The following SNX29 variants were observed in gnomAD, a reference collection of about 807,000 sequenced individuals.
The protein encoded by SNX29 is sorting nexin 29.
A neutral mutation model predicts 102.1 loss-of-function variants in SNX29; 78 were observed. The ratio of observed to expected loss-of-function variants is 0.76; its 90% CI spans 0.64 to 0.92. The LOEUF (loss-of-function observed/expected upper bound fraction) is 0.92. Among genes scored for constraint, SNX29 ranks in the 40% least tolerant of loss-of-function variants. SNX29 has a pLI of 0.00. For missense variants in SNX29, 1,280 were observed against 1,061.7 expected (o/e 1.21, Z -2.86); for synonymous variants, 580 against 414.5 (o/e 1.40, Z -4.85).
At chr16:12,378,496 A>G (rs1437595088) in intron 16 of SNX29, among the ~76,000 whole-genome samples, 2 of 152,142 alleles carry the variant, frequency 1.3e-5, no homozygotes, top group Non-Finnish European at 2.9e-5. Context: ...TAAAAATACA[A>G]AAATTAGCCG....
chr16:12,008,942 A>C (rs555191692), intron 3 of SNX29, among the ~76,000 whole-genome samples: 1 of 151,708 alleles, frequency 6.6e-6, no homozygotes, highest in East Asian at 2.0e-4. Flanking sequence ...GGGTTTCACT[A>C]TGTTGGTCAG....
At chr16:12,335,543 G>A (rs1456272535) in intron 15 of SNX29, among the ~76,000 whole-genome samples, 2 of 152,140 alleles carry the variant, frequency 1.3e-5, no homozygotes, top group Non-Finnish European at 2.9e-5. Context: ...GGGCATGGTT[G>A]CATGTGCCTG....
In SNX29 at chr16:12,486,171, G is replaced by C. The variant is rs554192335; in HGVS notation, c.2178+8312G>C. On this transcript the variant is annotated intron_variant, in intron 19 of 20. Coordinates refer to ENST00000566228, the MANE Select transcript of SNX29 (RefSeq NM_032167.5). ...CTCGTGGCCCCTTCCTCTGTCTTCC[G>C]TGTTGCCTCTCTCCCACCATTCTTC... 7.3e-4 allele frequency among the ~76,000 whole-genome samples: 111 copies of C among 152,254 alleles called. 2 individuals carry two copies. Among genetic ancestry groups the C allele is most frequent in the Admixed American group, 9.2e-4 (14 of 15,298 alleles).
intron 20 of SNX29, among the ~76,000 whole-genome samples, chr16:12,537,428 A>G (rs2077125555): frequency 6.6e-6 from 1 of 152,358 alleles, no homozygotes; most frequent in South Asian, 2.1e-4. Flanking sequence ...CAGCTCAACT[A>G]CATAGCAGCC....
chr16:12,246,825 T>G (rs2078273127), intron 14 of SNX29, among the ~76,000 whole-genome samples: 1 of 152,098 alleles, frequency 6.6e-6, no homozygotes, highest in South Asian at 2.1e-4. Context: ...GTCTGGATGT[T>G]GGGGATGGAT....
chr16:12,287,381 T>C (rs1315980480), intron 15 of SNX29, among the ~76,000 whole-genome samples: 2 of 152,192 alleles, frequency 1.3e-5, no homozygotes, highest in Non-Finnish European at 2.9e-5. Flanking sequence ...TCTGTTTTTT[T>C]TAAATTTTTT....
rs543346990 is a variant in SNX29, at chr16:12,302,821, T to G, written c.1782+24785T>G. On this transcript the variant is annotated intron_variant, in intron 15 of 20. Transcript: ENST00000566228. ...GCCACACTGTTAGGGTGAATGCATTTTAAAAGACATCTCATCAGTGCACAT... is the reference window on the plus strand; with the variant it reads ...GCCACACTGTTAGGGTGAATGCATTGTAAAAGACATCTCATCAGTGCACAT... 5.5e-4 allele frequency among the ~76,000 whole-genome samples: 84 copies of G among 152,356 alleles called. 2 individuals carry two copies. The South Asian group carries it at 0.017, about 30-fold the overall frequency.
chr16:12,280,448 A>G (rs2079395714), intron 15 of SNX29, among the ~76,000 whole-genome samples: 1 of 152,162 alleles, frequency 6.6e-6, no homozygotes, highest in African/African-American at 2.4e-5. Context: ...GTGAGTGTGG[A>G]ACCACCAAAC....
chr16:12,060,975 G>A (rs1269756772), intron 8 of SNX29: 10 of 418,622 alleles, frequency 2.4e-5, no homozygotes, highest in South Asian at 1.7e-4. Context: ...GCGAGGCGGA[G>A]CAACGCTAGC....
chr16:12,538,348 CCAAAGTGCTGA>C (rs2077171405), intron 20 of SNX29, among the ~76,000 whole-genome samples: 1 of 152,190 alleles, frequency 6.6e-6, no homozygotes, highest in Non-Finnish European at 1.5e-5. Context: ...TCTCGGTCTT[CCAAAGTGCTGA>C]CATTACAGGC....
At chr16:12,405,629 G>A (rs75315942) in intron 18 of SNX29, among the ~76,000 whole-genome samples, 3,504 of 152,286 alleles carry the variant, frequency 0.023, 83 homozygotes, top group African/African-American at 0.058. Context: ...GTGTTTGGAA[G>A]CATTTTAGAA....
chr16:12,371,008 C>T (rs1567491099), intron 16 of SNX29, among the ~76,000 whole-genome samples: 1 of 152,228 alleles, frequency 6.6e-6, no homozygotes, highest in Non-Finnish European at 1.5e-5. Flanking sequence ...TGGGCCACAG[C>T]TTTCTTGCCC....
At chr16:12,205,840 T>A (rs982451837) in intron 14 of SNX29, among the ~76,000 whole-genome samples, 20 of 152,266 alleles carry the variant, frequency 1.3e-4, no homozygotes, top group Admixed American at 1.2e-3. Flanking sequence ...GGCATGTCTT[T>A]TCCCCTGCTG....
chr16:12,568,711 A>G lies in SNX29; in HGVS notation c.*82A>G. ...GCCACTGCCGCTGGCCCCTCACCTC[A>G]GCGTGACAACCACGTCCACCTGGTG... On this transcript the variant is annotated 3_prime_UTR_variant, in exon 21 of 21. Transcript: ENST00000566228. The G allele has an allele frequency of 1.3e-6, 2 of 1,547,410 alleles. No individual in the cohort carries two copies. Among genetic ancestry groups the G allele is most frequent in the Non-Finnish European group, 8.7e-7 (1 of 1,151,682 alleles).
rs147296405 is a variant in SNX29, at chr16:12,401,882, G to C, written c.1956-1566G>C. Among the ~76,000 whole-genome samples the C allele has an allele frequency of 9.7e-3, 1,478 of 152,280 alleles. 13 individuals are homozygous for C. Among genetic ancestry groups the C allele is most frequent in the Non-Finnish European group, 0.014 (943 of 68,012 alleles). ...TGGGTCACTTAAACAATCAATTTCT[G>C]ATACAGTGTGGTCAATGCACTGAAA... is the stretch of plus-strand genomic sequence containing the variant. On this transcript the variant is annotated intron_variant, in intron 17 of 20. Coordinates refer to ENST00000566228, the MANE Select transcript of SNX29 (RefSeq NM_032167.5).
intron 15 of SNX29, among the ~76,000 whole-genome samples, chr16:12,305,706 G>A (rs1477367860): frequency 2.6e-5 from 4 of 152,156 alleles, no homozygotes; most frequent in East Asian, 3.8e-4. Context: ...ATGCCTGGGT[G>A]TTGTGTATCC....
rs189711411 is a variant in SNX29 at position 12,540,497 on chromosome 16, C to T, written c.2318+15656C>T. Among the ~76,000 whole-genome samples, 719 of 152,324 alleles carry T rather than the reference C, an allele frequency of 4.7e-3. 4 individuals are homozygous for T. The highest frequency in any genetic ancestry group is 0.016 in the African/African-American group (663 of 41,580). On this transcript the variant is annotated intron_variant, in intron 20 of 20. Transcript: ENST00000566228. The stretch of plus-strand genomic sequence containing the variant: ...ACAGTCAAGGTGTCGGCAGGGCTGG[C>T]GCCTTCTCGAGGTTGTGGGGCAGAA...
intron 6 of SNX29, among the ~76,000 whole-genome samples, chr16:12,047,122 G>C (rs918193642): frequency 6.4e-4 from 98 of 152,326 alleles, no homozygotes; most frequent in African/African-American, 2.1e-3. Context: ...TTTCCTCTCT[G>C]TGAGGTGGGA....
rs1255684441 is a variant in SNX29, at chr16:12,569,118, T to C, written c.*489T>C. On this transcript the variant is annotated 3_prime_UTR_variant, in exon 21 of 21. Coordinates refer to ENST00000566228, the MANE Select transcript of SNX29 (RefSeq NM_032167.5). ...CTGGCCTAACCTAGGGATGGCTGGC[T>C]TTGCGGGGGGGGGGGGGGGGGGGGG... The C allele has an allele frequency of 2.8e-4, 6 of 21,406 alleles. 1 individual carries two copies. Among genetic ancestry groups the C allele is most frequent in the African/African-American group, 1.7e-3 (3 of 1,796 alleles). 1.3% of individuals were successfully genotyped at this position (21,406 alleles called of 1,614,324 possible).
Sources: allele counts gnomAD v4.1 joint callset (sites outside exome capture counted in the v4.1 genomes callset), GRCh38; gene constraint gnomAD v4.1.1; transcripts MANE v1.5; gene names NCBI Gene and HGNC (gene_info 2026-07-23, HGNC 2026-07-21).